Variants in FUT8 observed in about 807,000 individuals in gnomAD.
The protein encoded by FUT8 is alpha-(1,6)-fucosyltransferase.
In FUT8, 29 loss-of-function variants were observed where a neutral mutation model predicts 71.3. The observed-to-expected ratio is 0.41, with a 90% CI of 0.30 to 0.55. FUT8 has a LOEUF of 0.55. FUT8 is among the 20% of genes least tolerant of loss of function. The pLI is 0.34. For missense variants in FUT8, 544 were observed against 702.1 expected (o/e 0.77, Z 2.55); for synonymous variants, 254 against 239.3 (o/e 1.06, Z -0.57).
the FUT8 span, among the ~76,000 whole-genome samples, chr14:65,404,367 T>A: frequency 2.0e-5 from 3 of 151,308 alleles, no homozygotes; most frequent in African/African-American, 7.3e-5. Context: ...AGAGATGGGG[T>A]TTTGCCATCT....
chr14:65,530,912 A>G (rs1322401171), intron 2 of FUT8, among the ~76,000 whole-genome samples: 1 of 148,470 alleles, frequency 6.7e-6, no homozygotes, highest in African/African-American at 2.5e-5. Flanking sequence ...ACTTTACCAT[A>G]TTTTACTGTA....
chr14:65,618,047 A>ATGTATG (rs1371839631), intron 5 of FUT8, among the ~76,000 whole-genome samples: 6 of 110,050 alleles, frequency 5.5e-5, no homozygotes, highest in African/African-American at 7.7e-5. Flanking sequence ...ATATATATAT[A>ATGTATG]TATATATGTA....
intron 7 of FUT8, among the ~76,000 whole-genome samples, chr14:65,702,728 G>A (rs1031568891): frequency 2.6e-5 from 4 of 151,834 alleles, no homozygotes; most frequent in Non-Finnish European, 4.4e-5. Flanking sequence ...GTGTTACATA[G>A]GGTAGAAATT....
intron 3 of FUT8, among the ~76,000 whole-genome samples, chr14:65,577,352 CA>C (rs1353252086): frequency 1.3e-5 from 2 of 152,082 alleles, no homozygotes; most frequent in Non-Finnish European, 2.9e-5. Context: ...CTGGGCTTCT[CA>C]GATTTGGATT....
chr14:65,379,548 A>C, the FUT8 span, among the ~76,000 whole-genome samples: 4,240 of 152,202 alleles, frequency 0.028, 197 homozygotes, highest in African/African-American at 0.097. Flanking sequence ...AAACAAAAAA[A>C]AAAAGTGAGT....
intron 6 of FUT8, among the ~76,000 whole-genome samples, chr14:65,657,175 T>A (rs1157798330): frequency 6.6e-6 from 1 of 152,150 alleles, no homozygotes. Context: ...GTTAAAAACC[T>A]TCTGCCTGCA....
intron 3 of FUT8, among the ~76,000 whole-genome samples, chr14:65,567,035 A>C (rs2140065293): frequency 6.6e-6 from 1 of 152,094 alleles, no homozygotes; most frequent in East Asian, 1.9e-4. Context: ...AATCTCATGG[A>C]GTTGTAAAAT....
intron 2 of FUT8, among the ~76,000 whole-genome samples, chr14:65,539,697 T>C (rs1026080638): frequency 2.0e-5 from 3 of 152,216 alleles, no homozygotes; most frequent in African/African-American, 7.2e-5. Context: ...ATAATAGGGT[T>C]GTTGTGAGGC....
At chr14:65,365,074 C>T in the FUT8 span, among the ~76,000 whole-genome samples, 439 of 152,302 alleles carry the variant, frequency 2.9e-3, no homozygotes, top group Admixed American at 5.3e-3. Context: ...TGGCAAGAAC[C>T]TGTTCCAAGG....
intron 1 of FUT8, among the ~76,000 whole-genome samples, chr14:65,432,300 A>T (rs929297952): frequency 6.6e-6 from 1 of 152,070 alleles, no homozygotes; most frequent in Non-Finnish European, 1.5e-5. Flanking sequence ...GTCAGTTTCC[A>T]GCTGGAGATT....
chr14:65,641,968 A>G (rs766283148), intron 6 of FUT8, among the ~76,000 whole-genome samples: 2 of 152,054 alleles, frequency 1.3e-5, no homozygotes, highest in Non-Finnish European at 2.9e-5. Context: ...TTGTTTGGAA[A>G]TTCTAGTTTG....
At chr14:65,471,871 T>TA (rs1191098080) in intron 2 of FUT8, among the ~76,000 whole-genome samples, 1 of 152,220 alleles carries the variant, frequency 6.6e-6, no homozygotes, top group African/African-American at 2.4e-5. Flanking sequence ...TCAAAAGACT[T>TA]ATTACAGTAT....
chr14:65,531,984 G>A (rs1036055330), intron 2 of FUT8, among the ~76,000 whole-genome samples: 1 of 152,028 alleles, frequency 6.6e-6, no homozygotes, highest in African/African-American at 2.4e-5. Flanking sequence ...GTGTTCTGTT[G>A]TGTATATGTA....
At chr14:65,487,679 A>G (rs1471285911) in intron 2 of FUT8, among the ~76,000 whole-genome samples, 12 of 149,662 alleles carry the variant, frequency 8.0e-5, no homozygotes, top group Admixed American at 8.0e-4. Context: ...CCAAAATAGA[A>G]GGGCCCATTA....
chr14:65,714,676 A>G (rs1421897923), intron 7 of FUT8, among the ~76,000 whole-genome samples: 1 of 152,084 alleles, frequency 6.6e-6, no homozygotes, highest in African/African-American at 2.4e-5. Context: ...TTTGGATAGT[A>G]TGGGCATTTT....
chr14:65,429,471 G>A (rs1454188801), intron 1 of FUT8, among the ~76,000 whole-genome samples: 1 of 152,168 alleles, frequency 6.6e-6, no homozygotes, highest in Non-Finnish European at 1.5e-5. Flanking sequence ...CATTTCCAAT[G>A]TAGGTAAACC....
the FUT8 span, among the ~76,000 whole-genome samples, chr14:65,360,232 C>T: frequency 5.9e-5 from 9 of 152,166 alleles, no homozygotes; most frequent in African/African-American, 2.2e-4. Context: ...TGATTCTCTC[C>T]CTTTTATCAA....
chr14:65,697,958 T>G (rs1247054167), intron 7 of FUT8, among the ~76,000 whole-genome samples: 2 of 150,696 alleles, frequency 1.3e-5, no homozygotes, highest in African/African-American at 4.9e-5. Flanking sequence ...GTCATTCCAC[T>G]CCAGCTTGGA....
In FUT8 at chr14:65,491,627, A is replaced by G. The variant is rs184625327; in HGVS notation, c.-228+35909A>G. Among the ~76,000 whole-genome samples, 434 of 152,282 alleles carry G rather than the reference A, an allele frequency of 2.8e-3. 3 individuals are homozygous for G. Among genetic ancestry groups the G allele is most frequent in the African/African-American group, 9.9e-3 (413 of 41,574 alleles). ...ATATTTATAAAATCACATAATTTTT[A>G]AAGCACGAATTGATTTATAGGTATG... On this transcript the variant is annotated intron_variant, in intron 2 of 10. Transcript: ENST00000673929.
Sources: gnomAD v4.1 joint callset for allele counts (sites outside exome capture counted in the v4.1 genomes callset) on GRCh38, gnomAD v4.1.1 for gene constraint, MANE v1.5 for transcripts, NCBI Gene and HGNC (gene_info 2026-07-23, HGNC 2026-07-21) for gene names.